Variants in VEPH1 observed in about 807,000 individuals in gnomAD.
The protein encoded by VEPH1 is ventricular zone-expressed PH domain-containing protein homolog 1.
A neutral mutation model predicts 85.2 loss-of-function variants in VEPH1; 80 were observed. The ratio of observed to expected loss-of-function variants is 0.94; its 90% CI spans 0.78 to 1.13. The LOEUF (loss-of-function observed/expected upper bound fraction) is 1.13. VEPH1 is among the 50% of genes most tolerant of loss of function. VEPH1 has a pLI of 0.00. For synonymous variants in VEPH1, 297 were observed against 348.0 expected (o/e 0.85, Z 1.63); for missense variants, 955 against 980.5 (o/e 0.97, Z 0.35).
chr3:157,270,043 C>A (rs1714337542), intron 12 of VEPH1, among the ~76,000 whole-genome samples: 1 of 151,678 alleles, frequency 6.6e-6, no homozygotes, highest in Non-Finnish European at 1.5e-5. Context: ...GAGTTGAGAC[C>A]AGGAGTTTGT....
intron 4 of VEPH1, among the ~76,000 whole-genome samples, chr3:157,436,260 A>T (rs1733566307): frequency 6.7e-6 from 1 of 148,576 alleles, no homozygotes; most frequent in Admixed American, 7.0e-5. Flanking sequence ...CTGGGCAACA[A>T]GAGCGAAATT....
chr3:157,269,332 A>G (rs16827392), intron 12 of VEPH1, among the ~76,000 whole-genome samples: 8,317 of 152,274 alleles, frequency 0.055, 661 homozygotes, highest in African/African-American at 0.18. Context: ...TACTAACAAC[A>G]AAGGATGAAG....
chr3:157,464,441 A>G (rs1186494839), intron 3 of VEPH1, among the ~76,000 whole-genome samples: 1 of 152,246 alleles, frequency 6.6e-6, no homozygotes, highest in Admixed American at 6.5e-5. Context: ...AAATGACTTT[A>G]ACAGCAGCTG....
intron 12 of VEPH1, among the ~76,000 whole-genome samples, chr3:157,270,712 C>T (rs1032837592): frequency 2.6e-5 from 4 of 152,156 alleles, no homozygotes; most frequent in Middle Eastern, 3.4e-3. Context: ...TATGTATTTT[C>T]GAGCACAGAT....
At chr3:157,348,210 G>A (rs758045808) in intron 9 of VEPH1, among the ~76,000 whole-genome samples, 1 of 151,902 alleles carries the variant, frequency 6.6e-6, no homozygotes, top group Non-Finnish European at 1.5e-5. Context: ...AAGCAGGAGG[G>A]GCATGGGGGT....
At chr3:157,300,935 T>C (rs1407291213) in intron 11 of VEPH1, among the ~76,000 whole-genome samples, 1 of 152,208 alleles carries the variant, frequency 6.6e-6, no homozygotes, top group African/African-American at 2.4e-5. Flanking sequence ...TCAATAAAAG[T>C]CATGCTTGTG....
chr3:157,269,454 C>T (rs908389303), intron 12 of VEPH1, among the ~76,000 whole-genome samples: 1 of 152,086 alleles, frequency 6.6e-6, no homozygotes, highest in East Asian at 1.9e-4. Context: ...ATTAGCAGAA[C>T]TTTAAAGTAG....
At chr3:157,477,670 T>C (rs7626974) in intron 2 of VEPH1, among the ~76,000 whole-genome samples, 99,922 of 152,024 alleles carry the variant, frequency 0.66, 33,485 homozygotes, top group African/African-American at 0.79. Flanking sequence ...GAGAATGACT[T>C]ATCTAAATGA....
intron 2 of VEPH1, among the ~76,000 whole-genome samples, chr3:157,487,796 A>C (rs1738788816): frequency 6.6e-6 from 1 of 152,160 alleles, no homozygotes; most frequent in Non-Finnish European, 1.5e-5. Flanking sequence ...TAACAGATTA[A>C]AGGGGAAAAT....
intron 11 of VEPH1, among the ~76,000 whole-genome samples, chr3:157,311,541 A>T (rs1266822083): frequency 2.6e-5 from 4 of 152,246 alleles, no homozygotes; most frequent in Non-Finnish European, 5.9e-5. Context: ...TGCAGATATC[A>T]AAGTTTTTTC....
chr3:157,372,210 A>G (rs981916571), intron 7 of VEPH1, among the ~76,000 whole-genome samples: 1 of 152,178 alleles, frequency 6.6e-6, no homozygotes, highest in African/African-American at 2.4e-5. Flanking sequence ...TTCCTATTTG[A>G]TACATCTTCT....
intron 4 of VEPH1, among the ~76,000 whole-genome samples, chr3:157,438,733 T>C (rs1041144362): frequency 1.3e-5 from 2 of 152,178 alleles, no homozygotes; most frequent in African/African-American, 4.8e-5. Context: ...CAAACAGACA[T>C]GGGTTCCCAA....
chr3:157,410,342 G>C (rs1457178886), intron 6 of VEPH1, among the ~76,000 whole-genome samples: 2 of 152,014 alleles, frequency 1.3e-5, no homozygotes, highest in Non-Finnish European at 2.9e-5. Context: ...GCTTTTCCAG[G>C]GCAGTTTTTG....
At chr3:157,413,712 T>C in intron 6 of VEPH1, 169 bp downstream of exon 6, 4 of 955,636 alleles carry the variant, frequency 4.2e-6, no homozygotes, top group Non-Finnish European at 5.0e-6. Context: ...CAAATTTGTA[T>C]GTCATAGAAC....
intron 9 of VEPH1, among the ~76,000 whole-genome samples, chr3:157,359,781 A>G (rs1308238026): frequency 2.0e-5 from 3 of 152,222 alleles, no homozygotes; most frequent in Non-Finnish European, 4.4e-5. Context: ...TGATATTTTT[A>G]TATGTCAAAA....
rs768565893 is a variant in VEPH1, at chr3:157,470,416, C to T, written c.252G>A (p.Gly84=). The part of the protein sequence containing the change: ...SIEKHAKALV[G]LWDSCLEHNL... Reference sequence around the variant, plus strand: ...TATGTTCCAAGCAGGAGTCCCAGAGCCCCACAAGGGCCTTTGCATGCTTTT... The same window carrying T: ...TATGTTCCAAGCAGGAGTCCCAGAGTCCCACAAGGGCCTTTGCATGCTTTT... The change falls in exon 3 of 14, where the codon GGG becomes GGA. Residue 84 remains glycine, a synonymous_variant. Transcript: ENST00000362010. 6.2e-7 allele frequency: 1 copy of T among 1,614,142 alleles called. No homozygotes were observed. The highest frequency in any genetic ancestry group is 1.3e-5 in the African/African-American group (1 of 75,034).
chr3:157,318,229 T>C (rs1577327375), intron 9 of VEPH1, among the ~76,000 whole-genome samples: 1 of 152,188 alleles, frequency 6.6e-6, no homozygotes, highest in Admixed American at 6.5e-5. Context: ...TACTGGGGAT[T>C]TTTTTAATCT....
At chr3:157,384,515 C>A (rs1729090890) in intron 6 of VEPH1, among the ~76,000 whole-genome samples, 1 of 152,166 alleles carries the variant, frequency 6.6e-6, no homozygotes, top group African/African-American at 2.4e-5. Flanking sequence ...ATCCTTCTCA[C>A]TATAAAAATT....
intron 5 of VEPH1, among the ~76,000 whole-genome samples, chr3:157,424,256 T>C (rs1577621372): frequency 1.3e-5 from 2 of 152,362 alleles, no homozygotes; most frequent in South Asian, 4.1e-4. Context: ...GCCTTTTGCC[T>C]CCTGCCATGA....
Sources: gnomAD v4.1 joint callset for allele counts (sites outside exome capture counted in the v4.1 genomes callset) on GRCh38, gnomAD v4.1.1 for gene constraint, MANE v1.5 for transcripts, NCBI Gene and HGNC (gene_info 2026-07-23, HGNC 2026-07-21) for gene names.